STK32C: variants seen among roughly 807,000 people sequenced by gnomAD.
The protein encoded by STK32C is serine/threonine-protein kinase 32C.
STK32C carries 31 observed loss-of-function variants against 56.5 expected under a neutral mutation model. The ratio of observed to expected loss-of-function variants is 0.55; its 90% CI spans 0.41 to 0.74. STK32C has a LOEUF of 0.74. Among genes scored for constraint, STK32C ranks in the 30% least tolerant of loss-of-function variants. The pLI is 0.00. For synonymous variants in STK32C, 309 were observed against 289.4 expected (o/e 1.07, Z -0.69); for missense variants, 544 against 676.9 (o/e 0.80, Z 2.18).
intron 1 of STK32C, among the ~76,000 whole-genome samples, chr10:132,275,670 C>T (rs1193035593): frequency 6.6e-6 from 1 of 152,232 alleles, no homozygotes; most frequent in Non-Finnish European, 1.5e-5. Context: ...GTCACTGACG[C>T]ATCATGCCGC....
chr10:132,232,027 CTG>C (rs913172336), intron 2 of STK32C, among the ~76,000 whole-genome samples: 1 of 152,256 alleles, frequency 6.6e-6, no homozygotes, highest in African/African-American at 2.4e-5. Flanking sequence ...TCCACGCCTC[CTG>C]TGTCTCTGCA....
At chr10:132,297,433 A>T (rs2065784041) in intron 1 of STK32C, among the ~76,000 whole-genome samples, 1 of 152,156 alleles carries the variant, frequency 6.6e-6, no homozygotes, top group African/African-American at 2.4e-5. Context: ...ACCAGGGGCC[A>T]CGCCAGCCCC....
At chr10:132,239,957 C>T (rs540431935) in intron 2 of STK32C, among the ~76,000 whole-genome samples, 197 of 152,374 alleles carry the variant, frequency 1.3e-3, no homozygotes, top group African/African-American at 3.7e-3. Context: ...TTCCAATCGA[C>T]GTCAGCGTCC....
chr10:132,262,435 G>A (rs757326666), intron 1 of STK32C, among the ~76,000 whole-genome samples: 15 of 152,136 alleles, frequency 9.9e-5, no homozygotes, highest in South Asian at 4.1e-4. Flanking sequence ...AATGTGACAA[G>A]TGGAACCTAA....
chr10:132,288,232 A>G (rs755420285), intron 1 of STK32C, among the ~76,000 whole-genome samples: 9 of 152,246 alleles, frequency 5.9e-5, no homozygotes, highest in Admixed American at 5.9e-4. Context: ...ACAAAAATTA[A>G]CAGCTATAAA....
intron 1 of STK32C, among the ~76,000 whole-genome samples, chr10:132,273,304 C>T (rs548041073): frequency 7.2e-5 from 11 of 152,140 alleles, no homozygotes; most frequent in African/African-American, 1.4e-4. Context: ...GTCCTGTGAA[C>T]GGGCTCTAAG....
intron 11 of STK32C, 83 bp from the exon 12 acceptor site, chr10:132,208,234 G>T: frequency 7.9e-7 from 1 of 1,266,270 alleles, no homozygotes. Context: ...CGGGCTCATG[G>T]GGTAGGCCAT....
intron 1 of STK32C, among the ~76,000 whole-genome samples, chr10:132,298,041 T>A (rs896101507): frequency 6.6e-6 from 1 of 152,234 alleles, no homozygotes; most frequent in Non-Finnish European, 1.5e-5. Flanking sequence ...TAGAGGTGGC[T>A]GAGAGAGAAC....
In STK32C at chr10:132,307,946, C is replaced by T. The variant is rs2066131582; in HGVS notation, c.-113G>A. 4 of 1,045,314 alleles carry T rather than the reference C, an allele frequency of 3.8e-6. No homozygotes were observed. The highest frequency in any genetic ancestry group is 4.6e-6 in the Non-Finnish European group (4 of 870,444). 64.8% of individuals were successfully genotyped at this position (1,045,314 alleles called of 1,614,324 possible). A position where few individuals can be genotyped will look rare whatever the true frequency, so the allele number is the denominator to read the frequency against. On this transcript the variant is annotated 5_prime_UTR_variant, in exon 1 of 12. Coordinates refer to ENST00000298630, the MANE Select transcript of STK32C (RefSeq NM_173575.4). The surrounding 1 kb of genome is among the most constrained non-coding windows in gnomAD (Gnocchi z 4.4). ...GGGCCGGCAGCGCCCGCCGTGCGCTCTTCTGGGCGGTGGAACCCGCCCCGT... is the reference window on the plus strand; with the variant it reads ...GGGCCGGCAGCGCCCGCCGTGCGCTTTTCTGGGCGGTGGAACCCGCCCCGT...
intron 1 of STK32C, among the ~76,000 whole-genome samples, chr10:132,262,687 T>C (rs2064342175): frequency 7.1e-6 from 1 of 141,186 alleles, no homozygotes; most frequent in African/African-American, 2.6e-5. Context: ...CTGAGGTGTG[T>C]GGATCACGAG....
At chr10:132,223,057 G>C in intron 8 of STK32C, 71 bp from the exon 9 acceptor site, 1 of 1,508,024 alleles carries the variant, frequency 6.6e-7, no homozygotes, top group Non-Finnish European at 8.9e-7. Context: ...GCCACCCCCA[G>C]GCCAGGGCAC....
rs778669159 is a variant in STK32C at position 132,226,775 on chromosome 10, G to A, written c.644+20C>T. 28 of 1,607,394 alleles carry A rather than the reference G, an allele frequency of 1.7e-5. No homozygotes were observed. The highest frequency in any genetic ancestry group is 1.2e-4 in the South Asian group (11 of 91,044). On this transcript the variant is annotated intron_variant, in intron 4 of 11. Coordinates refer to ENST00000298630, the MANE Select transcript of STK32C (RefSeq NM_173575.4). ...CCCGCCCACCTCAGCAGGTACCTGC[G>A]CCGTCTGCCACGCACACACCTGTGG... is the stretch of plus-strand genomic sequence containing the variant.
chr10:132,216,658 C>T (rs1340321218), intron 10 of STK32C, among the ~76,000 whole-genome samples: 5 of 152,108 alleles, frequency 3.3e-5, no homozygotes, highest in African/African-American at 7.2e-5. Flanking sequence ...GTTTCATGGG[C>T]GAGGTCCAGG....
intron 1 of STK32C, among the ~76,000 whole-genome samples, chr10:132,282,808 T>C (rs1467892300): frequency 6.6e-6 from 1 of 152,274 alleles, no homozygotes; most frequent in East Asian, 1.9e-4. Flanking sequence ...AAGTGACTGC[T>C]GCACCCTATT....
chr10:132,223,578 C>G (rs548089960), intron 8 of STK32C, among the ~76,000 whole-genome samples: 2 of 152,262 alleles, frequency 1.3e-5, no homozygotes, highest in Non-Finnish European at 2.9e-5. Context: ...TTGTGAGCCA[C>G]CTGGGCAGGT....
intron 1 of STK32C, among the ~76,000 whole-genome samples, chr10:132,248,205 C>T (rs2063758040): frequency 1.3e-5 from 2 of 152,240 alleles, no homozygotes; most frequent in East Asian, 1.9e-4. Context: ...CCCAACGTCA[C>T]CAGATGTTAA....
intron 1 of STK32C, among the ~76,000 whole-genome samples, chr10:132,272,694 C>T (rs1339964647): frequency 6.6e-6 from 1 of 152,242 alleles, no homozygotes; most frequent in African/African-American, 2.4e-5. Context: ...GTCTCCCCGC[C>T]TCCACCCTCG....
rs67287036 is a variant in STK32C, at chr10:132,209,512, A to T, written c.1252-411T>A. 10,909 of 352,326 alleles carry T rather than the reference A, an allele frequency of 0.031. 1,021 individuals carry two copies. The East Asian group carries it at 0.35, about 11-fold the overall frequency. 21.8% of individuals were successfully genotyped at this position (352,326 alleles called of 1,614,324 possible). On this transcript the variant is annotated intron_variant, in intron 10 of 11. Transcript: ENST00000298630. ...CAGGCCTGCTTCTGGGGCCCTGCCC[A>T]GAGAATCCTGGAACCAGGGCTGTCT...
intron 2 of STK32C, among the ~76,000 whole-genome samples, chr10:132,234,228 G>A (rs770369051): frequency 3.2e-4 from 49 of 152,204 alleles, no homozygotes; most frequent in Admixed American, 1.1e-3. Context: ...CCATCTTGAG[G>A]GCCACCCTCC....
Sources: allele counts gnomAD v4.1 joint callset (sites outside exome capture counted in the v4.1 genomes callset), GRCh38; gene constraint gnomAD v4.1.1; non-coding constraint Gnocchi (gnomAD v3.1); transcripts MANE v1.5; gene names NCBI Gene and HGNC (gene_info 2026-07-23, HGNC 2026-07-21).